Variants in UBE4B observed in about 807,000 individuals in gnomAD.
UBE4B encodes ubiquitin conjugation factor E4 B.
In UBE4B, 27 loss-of-function variants were observed where a neutral mutation model predicts 148.1. The observed-to-expected ratio is 0.18, with a 90% CI of 0.13 to 0.25. The LOEUF is 0.25. Ranked by LOEUF, UBE4B falls within the 10% of genes least tolerant of loss-of-function variation. The probability of loss-of-function intolerance (pLI) is 1.00; values close to 1 mark genes in which losing one functional copy is unlikely to be tolerated. For synonymous variants in UBE4B, 596 were observed against 619.3 expected, an observed-to-expected ratio of 0.96 and a Z score of 0.56; for missense variants, 1,170 against 1,662.4, an observed-to-expected ratio of 0.70 and a Z score of 5.15.
intron 2 of UBE4B, among the ~76,000 whole-genome samples, chr1:10,087,737 C>A (rs191410299): frequency 6.6e-6 from 1 of 152,286 alleles, no homozygotes; most frequent in East Asian, 1.9e-4. Context: ...TAGTGCTGGC[C>A]GTGTTTCTCC....
chr1:10,119,557 C>T lies in UBE4B; in HGVS notation c.1383C>T (p.Arg461=), dbSNP rs78118411. 3,520 of 1,613,814 alleles carry T rather than the reference C, an allele frequency of 2.2e-3. 63 individuals are homozygous for T. In the African/African-American group the frequency reaches 0.042, roughly 19 times the overall value. ...PAVSQLLSNI[R]SQCISHTALV... ...TCAGCCAGCTTCTGAGCAACATCCG[C>T]TCACAGTGCATATCCCATACTGCTT... Residue 461 remains arginine (R), a synonymous_variant, in exon 9 of 28, where the codon CGC becomes CGT. Transcript: ENST00000343090.
intron 19 of UBE4B, among the ~76,000 whole-genome samples, chr1:10,148,565 GAGGTTGC>G (rs1645916835): frequency 2.0e-5 from 3 of 151,248 alleles, no homozygotes; most frequent in Admixed American, 6.6e-5. Context: ...CCAGGAGGCA[GAGGTTGC>G]AGTGAGCCGA....
rs1038714469 is a variant in UBE4B, at chr1:10,161,388, G to A, written c.3198+102G>A. On this transcript the variant is annotated intron_variant, in intron 23 of 27. Coordinates refer to ENST00000343090, the MANE Select transcript of UBE4B (RefSeq NM_001105562.3). This position sits in a 1 kb window ranked among gnomAD's most constrained non-coding sequence, Gnocchi z 4.1. ...TGCATTTGTGGGTCTGATGATATGC[G>A]ATCTGACATGCTGGGATTTTCCTTC... 17 of 1,322,696 alleles carry A rather than the reference G, an allele frequency of 1.3e-5. No homozygotes were observed. In the South Asian group the frequency reaches 1.4e-4, roughly 11 times the overall value. The allele number at this position is 1,322,696 out of a possible 1,614,324, so 81.9% of individuals were successfully genotyped here.
At chr1:10,044,566 T>G (rs985284412) in intron 1 of UBE4B, among the ~76,000 whole-genome samples, 13 of 151,946 alleles carry the variant, frequency 8.6e-5, no homozygotes, top group Non-Finnish European at 1.3e-4. Context: ...CCTTCCTTCC[T>G]TCCTTCCCTC....
chr1:10,054,304 A>G (rs1222369288), intron 1 of UBE4B: 1 of 159,838 alleles, frequency 6.3e-6, no homozygotes, highest in Non-Finnish European at 1.4e-5. Context: ...TTTGAATAGT[A>G]AAGACATGGC....
At chr1:10,150,899 T>G (rs532293237) in intron 20 of UBE4B, among the ~76,000 whole-genome samples, 1 of 145,758 alleles carries the variant, frequency 6.9e-6, no homozygotes. Flanking sequence ...CAGTGGCTCA[T>G]GCCTGTAATC....
At chr1:10,060,390 TG>T in intron 1 of UBE4B, among the ~76,000 whole-genome samples, 1 of 152,120 alleles carries the variant, frequency 6.6e-6, no homozygotes, top group Non-Finnish European at 1.5e-5. Context: ...AGTGAGTTTT[TG>T]TGTATCTAAA....
At chr1:10,179,659 C>T in intron 27 of UBE4B, 97 bp downstream of exon 27, 1 of 1,560,100 alleles carries the variant, frequency 6.4e-7, no homozygotes, top group Non-Finnish European at 8.7e-7. Context: ...GGAAATTTAT[C>T]AAATGCAGAA....
rs1182985715 is a variant in UBE4B, at chr1:10,149,210, T to C, written c.2618T>C (p.Val873Ala). ...PDITLPLNSDVPKVFAALPEF... is the reference protein window; with the variant it reads ...PDITLPLNSDAPKVFAALPEF... Reference sequence around the variant, plus strand: ...ATAACACTGCCTTTAAATTCAGATGTCCCCAAGGTATTTGCAGCGTTGCCT... The same window carrying C: ...ATAACACTGCCTTTAAATTCAGATGCCCCCAAGGTATTTGCAGCGTTGCCT... The change falls in exon 20 of 28, where the codon GTC becomes GCC. Residue 873 changes from valine to alanine, a missense_variant. Val to Ala is a moderately conservative substitution (Grantham distance 64). Coordinates refer to ENST00000343090, the MANE Select transcript of UBE4B (RefSeq NM_001105562.3). 1.9e-6 allele frequency: 3 copies of C among 1,606,572 alleles called. No individual in the cohort carries two copies. Among genetic ancestry groups the C allele is most frequent in the Non-Finnish European group, 2.5e-6 (3 of 1,178,070 alleles).
At chr1:10,045,702 C>T (rs915529795) in intron 1 of UBE4B, among the ~76,000 whole-genome samples, 4 of 151,920 alleles carry the variant, frequency 2.6e-5, no homozygotes, top group Non-Finnish European at 5.9e-5. Context: ...AGGCGGCCAT[C>T]GAAGGAGTCC....
intron 2 of UBE4B, among the ~76,000 whole-genome samples, chr1:10,084,659 C>T (rs1644734942): frequency 1.3e-5 from 2 of 151,798 alleles, no homozygotes; most frequent in African/African-American, 4.8e-5. Context: ...TCTTCGCCAT[C>T]TCCCTTTAGT....
intron 23 of UBE4B, among the ~76,000 whole-genome samples, chr1:10,162,042 A>G (rs1646170799): frequency 7.0e-6 from 1 of 141,862 alleles, no homozygotes. Flanking sequence ...CTTGTCGCCC[A>G]CGCAGGAGTA....
chr1:10,175,692 A>T (rs1399785258), intron 25 of UBE4B, among the ~76,000 whole-genome samples: 1 of 152,118 alleles, frequency 6.6e-6, no homozygotes, highest in East Asian at 1.9e-4. Flanking sequence ...AAAATAAAAA[A>T]AATAAAAATC....
At position 10,103,989 on chromosome 1, in the gene UBE4B, T is replaced by C. The variant is rs1313865151; in HGVS notation, c.580+897T>C. Among the ~76,000 whole-genome samples the C allele has an allele frequency of 5.3e-5, 8 of 152,170 alleles. No homozygotes were observed. The East Asian group carries it at 7.8e-4, about 15-fold the overall frequency. ...GTTGGCCAGGATGGTCTCGATCTCT[T>C]GACCTCGTGATCTGCCTGCCTCGGC... On this transcript the variant is annotated intron_variant, in intron 5 of 27. Transcript: ENST00000343090.
At chr1:10,143,176 G>A (rs1344156773) in intron 17 of UBE4B, among the ~76,000 whole-genome samples, 2 of 152,162 alleles carry the variant, frequency 1.3e-5, no homozygotes, top group Non-Finnish European at 2.9e-5. Context: ...GGCCAAGGCA[G>A]GTGGATCATT....
chr1:10,045,206 C>T (rs930752842), intron 1 of UBE4B, among the ~76,000 whole-genome samples: 1 of 152,208 alleles, frequency 6.6e-6, no homozygotes, highest in African/African-American at 2.4e-5. Flanking sequence ...GAGCTTCACT[C>T]CCTCACTCGC....
At chr1:10,083,398 T>C (rs192704826) in intron 2 of UBE4B, among the ~76,000 whole-genome samples, 1 of 152,298 alleles carries the variant, frequency 6.6e-6, no homozygotes, top group African/African-American at 2.4e-5. Context: ...TCTCCAATTT[T>C]GAGTCTTTAA....
At chr1:10,082,823 CT>C (rs1227282215) in intron 2 of UBE4B, among the ~76,000 whole-genome samples, 1 of 151,446 alleles carries the variant, frequency 6.6e-6, no homozygotes, top group East Asian at 1.9e-4. Context: ...CACCCTCCCC[CT>C]ATTAGGCCCC....
intron 8 of UBE4B, among the ~76,000 whole-genome samples, chr1:10,118,713 A>G (rs1645357090): frequency 6.6e-6 from 1 of 151,360 alleles, no homozygotes; most frequent in Admixed American, 6.6e-5. Context: ...CATATTAGTC[A>G]GGCTGGTCTC....
Sources: gnomAD v4.1 joint callset for allele counts (sites outside exome capture counted in the v4.1 genomes callset) on GRCh38, gnomAD v4.1.1 for gene constraint, Gnocchi (gnomAD v3.1) non-coding constraint, MANE v1.5 for transcripts, NCBI Gene and HGNC (gene_info 2026-07-23, HGNC 2026-07-21) for gene names.